Variants in CATSPERD observed in about 807,000 individuals in gnomAD.
The protein encoded by CATSPERD is catsper channel auxiliary subunit delta, also known as cation channel sperm-associated auxiliary subunit delta.
CATSPERD carries 86 observed loss-of-function variants against 98.1 expected under a neutral mutation model. That is an observed-to-expected ratio of 0.88 (90% CI 0.74 to 1.05). CATSPERD has a LOEUF of 1.05. Among genes scored for constraint, CATSPERD ranks in the 50% least tolerant of loss-of-function variants. The pLI, the probability that CATSPERD is intolerant of heterozygous loss-of-function variation, is 0.00. For missense variants in CATSPERD, 995 were observed against 1,005.7 expected, an observed-to-expected ratio of 0.99 and a Z score of 0.14; for synonymous variants, 394 against 390.2, an observed-to-expected ratio of 1.01 and a Z score of -0.12.
intron 7 of CATSPERD, among the ~76,000 whole-genome samples, chr19:5,740,574 C>T (rs913139184): frequency 7.3e-5 from 11 of 150,154 alleles, no homozygotes; most frequent in South Asian, 2.1e-4. Flanking sequence ...GCAACAAGAG[C>T]GAAACTCCAT....
intron 6 of CATSPERD, among the ~76,000 whole-genome samples, chr19:5,738,102 C>T (rs570952485): frequency 5.3e-5 from 8 of 151,932 alleles, no homozygotes; most frequent in African/African-American, 1.4e-4. Flanking sequence ...AGGTAACTTT[C>T]GACTTCCCCA....
intron 20 of CATSPERD, among the ~76,000 whole-genome samples, chr19:5,775,034 G>A (rs2056715458): frequency 6.6e-6 from 1 of 152,006 alleles, no homozygotes; most frequent in Non-Finnish European, 1.5e-5. Flanking sequence ...AAAAGTCATT[G>A]GAAGCGCCTG....
intron 16 of CATSPERD, among the ~76,000 whole-genome samples, chr19:5,765,405 TATTCATTCATTCATTC>T (rs71172767): frequency 0.48 from 68,118 of 140,868 alleles, 17,087 homozygotes; most frequent in Admixed American, 0.57. Context: ...GCCATTGATT[TATTCATTCATTCATTC>T]ATTCATTCAT....
In CATSPERD at chr19:5,754,649, C is replaced by T. The variant is rs1447104951; in HGVS notation, c.1278+404C>T. On this transcript the variant is annotated intron_variant, in intron 13 of 21. Transcript: ENST00000381624. ...CTGGTCTCAAGTGATCTGCTCACCT[C>T]GGACTCCCAAAATGTTGGGGTTACA... Among the ~76,000 whole-genome samples, 5 of 152,008 alleles carry T rather than the reference C, an allele frequency of 3.3e-5. No homozygotes were observed. In the East Asian group the frequency reaches 5.8e-4, roughly 18 times the overall value.
intron 18 of CATSPERD, among the ~76,000 whole-genome samples, chr19:5,769,126 A>C (rs555497422): frequency 9.3e-5 from 14 of 151,132 alleles, no homozygotes; most frequent in South Asian, 8.4e-4. Context: ...TGCACTCCAG[A>C]CTGGGCAACA....
intron 20 of CATSPERD, among the ~76,000 whole-genome samples, chr19:5,775,921 A>G (rs1349843672): frequency 6.6e-6 from 1 of 152,058 alleles, no homozygotes; most frequent in East Asian, 1.9e-4. Context: ...GGAGTTGATC[A>G]CCACCCTCAA....
intron 15 of CATSPERD, 103 bp downstream of exon 15, chr19:5,759,247 C>T: frequency 1.8e-6 from 2 of 1,086,768 alleles, no homozygotes; most frequent in Non-Finnish European, 2.8e-6. Context: ...AGCTCCAGAA[C>T]AGTAAAACAA....
At chr19:5,753,345 G>C (rs1014636893) in intron 12 of CATSPERD, among the ~76,000 whole-genome samples, 12 of 151,868 alleles carry the variant, frequency 7.9e-5, no homozygotes, top group African/African-American at 2.9e-4. Context: ...TGGATCACAA[G>C]GTCAGGAGAT....
chr19:5,757,599 A>ATTT (rs534531838), intron 13 of CATSPERD, among the ~76,000 whole-genome samples: 15 of 91,816 alleles, frequency 1.6e-4, no homozygotes, highest in African/African-American at 4.8e-4. Flanking sequence ...GCCTGGCCAA[A>ATTT]TTTTTTTTTT....
chr19:5,723,248 T>G (rs1335934300), intron 1 of CATSPERD, among the ~76,000 whole-genome samples: 6 of 151,708 alleles, frequency 4.0e-5, no homozygotes, highest in Non-Finnish European at 5.9e-5. Flanking sequence ...TTCTACATTT[T>G]GTGTGTACTT....
In CATSPERD at chr19:5,763,275, T is replaced by G. The variant is rs572293780; in HGVS notation, c.1488T>G (p.Cys496Trp). 2.2e-5 allele frequency: 36 copies of G among 1,614,016 alleles called. No homozygotes were observed. In the African/African-American group the frequency reaches 4.7e-4, roughly 21 times the overall value. The change falls in exon 16 of 22, where the codon TGT becomes TGG. Residue 496 changes from cysteine to tryptophan, a missense_variant. Coordinates refer to ENST00000381624, the MANE Select transcript of CATSPERD (RefSeq NM_152784.4). The part of the protein sequence containing the change: ...TVDIANKEIS[C>W]VDIKPLSTLI... ...ACATAGCAAACAAGGAAATTTCATGTGTGGATATCAAGCCACTGGTAGGTC... is the reference window on the plus strand; with the variant it reads ...ACATAGCAAACAAGGAAATTTCATGGGTGGATATCAAGCCACTGGTAGGTC...
intron 15 of CATSPERD, among the ~76,000 whole-genome samples, chr19:5,762,058 A>ATATATATATATTTTTTTTTTTTTT: frequency 3.8e-4 from 4 of 10,432 alleles, no homozygotes; most frequent in Non-Finnish European, 7.2e-4. Flanking sequence ...ATATATATAT[A>ATATATATATATTTTTTTTTTTTTT]TTTTTTTTTT....
At chr19:5,757,355 T>C (rs1203385469) in intron 13 of CATSPERD, among the ~76,000 whole-genome samples, 1 of 149,752 alleles carries the variant, frequency 6.7e-6, no homozygotes, top group African/African-American at 2.5e-5. Context: ...GGGAGTACAA[T>C]GGCGTGATCT....
At chr19:5,768,347 A>ATTG in intron 18 of CATSPERD, 105 bp downstream of exon 18, 2 of 640,210 alleles carry the variant, frequency 3.1e-6, no homozygotes, top group East Asian at 5.1e-5. Context: ...TTTATTTATT[A>ATTG]TTATTATTGA....
chr19:5,736,629 G>A (rs942671654), intron 5 of CATSPERD, among the ~76,000 whole-genome samples: 1 of 152,086 alleles, frequency 6.6e-6, no homozygotes, highest in Admixed American at 6.6e-5. Flanking sequence ...CAGGAGAATC[G>A]TTTGAACCTG....
chr19:5,742,139 CGT>C (rs994756786), intron 7 of CATSPERD, among the ~76,000 whole-genome samples: 10 of 140,690 alleles, frequency 7.1e-5, no homozygotes, highest in South Asian at 2.3e-4. Context: ...CGTGTGTGCG[CGT>C]GTGTACGTGT....
rs568767620 is a variant in CATSPERD at position 5,731,616 on chromosome 19, C to T, written c.276+1672C>T. Among the ~76,000 whole-genome samples the T allele has an allele frequency of 2.3e-3, 289 of 127,852 alleles. 2 individuals are homozygous for T. The highest frequency in any genetic ancestry group is 8.2e-3 in the African/African-American group (274 of 33,448). 83.9% of individuals were successfully genotyped at this position (127,852 alleles called of 152,430 possible). The stretch of plus-strand genomic sequence containing the variant: ...CGGAGTCTCGCTCTGTCACCCAGGC[C>T]GGACTGCGGACTGCAGTGGCGCAAT... On this transcript the variant is annotated intron_variant, in intron 4 of 21. Coordinates refer to ENST00000381624, the MANE Select transcript of CATSPERD (RefSeq NM_152784.4).
intron 1 of CATSPERD, among the ~76,000 whole-genome samples, chr19:5,721,045 C>T (rs1324229541): frequency 1.3e-5 from 2 of 150,300 alleles, no homozygotes; most frequent in East Asian, 3.9e-4. Flanking sequence ...GTCGCCCAGG[C>T]TGCAGTGCAG....
chr19:5,725,160 T>A (rs890571644), intron 2 of CATSPERD, among the ~76,000 whole-genome samples: 2 of 152,124 alleles, frequency 1.3e-5, no homozygotes, highest in Non-Finnish European at 2.9e-5. Context: ...GATAGGAGAT[T>A]TTATTTTTTG....
Sources: allele counts gnomAD v4.1 joint callset (sites outside exome capture counted in the v4.1 genomes callset), GRCh38; gene constraint gnomAD v4.1.1; transcripts MANE v1.5; gene names NCBI Gene and HGNC (gene_info 2026-07-23, HGNC 2026-07-21).